RGS9: variants seen among roughly 807,000 people sequenced by gnomAD.
RGS9 encodes the protein regulator of G-protein signalling 9.
In RGS9, 78 loss-of-function variants were observed where a neutral mutation model predicts 102.0. That is an observed-to-expected ratio of 0.76 (90% CI 0.64 to 0.92). RGS9 has a LOEUF of 0.92. RGS9 is among the 40% of genes least tolerant of loss of function. RGS9 has a pLI of 0.00. For synonymous variants in RGS9, 353 were observed against 318.6 expected (o/e 1.11, Z -1.15); for missense variants, 833 against 866.1 (o/e 0.96, Z 0.48).
chr17:65,164,232 C>T (rs1029263666), intron 7 of RGS9, among the ~76,000 whole-genome samples: 7 of 152,134 alleles, frequency 4.6e-5, no homozygotes, highest in Non-Finnish European at 1.0e-4. Flanking sequence ...ACATGCTTTC[C>T]CCACTTCCAG....
chr17:65,226,540 A>T (rs1436263285), intron 18 of RGS9, among the ~76,000 whole-genome samples: 1 of 151,850 alleles, frequency 6.6e-6, no homozygotes, highest in South Asian at 2.1e-4. Context: ...TGCCTCATAC[A>T]TGGGCTTGGG....
chr17:65,160,978 C>G, intron 6 of RGS9, 69 bp downstream of exon 6: 5 of 1,263,558 alleles, frequency 4.0e-6, no homozygotes, highest in Non-Finnish European at 5.8e-6. Context: ...GTACTTTCCT[C>G]ATTCCCACAT....
chr17:65,224,986 C>T lies in RGS9; in HGVS notation c.1408-16C>T, dbSNP rs1365240505. ...ATGCAACTCACCACTGAGCTCTCTCCTTTCCTTCTCTACAGCCGGGCCAGC... is the reference window on the plus strand; with the variant it reads ...ATGCAACTCACCACTGAGCTCTCTCTTTTCCTTCTCTACAGCCGGGCCAGC... On this transcript the variant is annotated splice_polypyrimidine_tract_variant and intron_variant, in intron 17 of 18. Coordinates refer to ENST00000262406, the MANE Select transcript of RGS9 (RefSeq NM_003835.4). The T allele has an allele frequency of 6.2e-7, 1 of 1,613,312 alleles. No individual in the cohort carries two copies. Among genetic ancestry groups the T allele is most frequent in the Non-Finnish European group, 8.5e-7 (1 of 1,179,998 alleles).
chr17:65,223,457 T>G (rs1462319620), intron 17 of RGS9, among the ~76,000 whole-genome samples: 1 of 152,216 alleles, frequency 6.6e-6, no homozygotes, highest in Non-Finnish European at 1.5e-5. Context: ...CCCCTGGCCT[T>G]TCTTCCCCCA....
rs191066261 is a variant in RGS9 at position 65,188,853 on chromosome 17, G to A, written c.655-433G>A. 109 of 200,648 alleles carry A rather than the reference G, an allele frequency of 5.4e-4. No homozygotes were observed. In the Middle Eastern group the frequency reaches 9.6e-3, roughly 18 times the overall value. The allele number at this position is 200,648 out of a possible 1,614,324, so 12.4% of individuals were successfully genotyped here. A position where few individuals can be genotyped will look rare whatever the true frequency, so the allele number is the denominator to read the frequency against. On this transcript the variant is annotated intron_variant, in intron 9 of 18. Transcript: ENST00000262406. Reference sequence around the variant, plus strand: ...TAGCCTCAAACTCCTGGGCTCAAGCGATCCTCCCTCCTCGGCCTCCCAAAG... The same window carrying A: ...TAGCCTCAAACTCCTGGGCTCAAGCAATCCTCCCTCCTCGGCCTCCCAAAG...
At chr17:65,201,908 T>C (rs1397066262) in intron 13 of RGS9, 85 bp from the exon 14 acceptor site, 14 of 914,828 alleles carry the variant, frequency 1.5e-5, no homozygotes, top group Non-Finnish European at 2.5e-5. Flanking sequence ...TCCATCCCGG[T>C]TGACTCATTT....
At chr17:65,160,474 G>T in intron 4 of RGS9, 62 bp from the exon 5 acceptor site, 1 of 1,603,568 alleles carries the variant, frequency 6.2e-7, no homozygotes, top group Non-Finnish European at 8.5e-7. Flanking sequence ...TTAGTCACAG[G>T]GTTGGGGTCC....
rs1372141008 is a variant in RGS9 at position 65,225,298 on chromosome 17, C to A, written c.1704C>A (p.Ser568Arg). Reference protein sequence around the residue: ...EASLDTSWPRSRPRAPPKARM... With the variant: ...EASLDTSWPRRRPRAPPKARM... ...CCCTCGACACCTCCTGGCCTCGCAG[C>A]CGGCCCAGGGCCCCTCCTAAGGCCC... Residue 568 changes from serine to arginine, a missense_variant, in exon 18 of 19, where the codon AGC becomes AGA. By Grantham distance (110) the Ser-to-Arg change is moderately radical. Coordinates refer to ENST00000262406, the MANE Select transcript of RGS9 (RefSeq NM_003835.4). 6.2e-7 allele frequency: 1 copy of A among 1,609,154 alleles called. No individual in the cohort carries two copies. Among genetic ancestry groups the A allele is most frequent in the Non-Finnish European group, 8.5e-7 (1 of 1,179,886 alleles).
At position 65,197,257 on chromosome 17, in the gene RGS9, C is replaced by CAA; in HGVS notation, c.976+24_976+25dup. 2 of 1,493,756 alleles carry CAA rather than the reference C, an allele frequency of 1.3e-6. No individual in the cohort carries two copies. The highest frequency in any genetic ancestry group is 2.8e-5 in the African/African-American group (2 of 71,584). The allele number at this position is 1,493,756 out of a possible 1,614,324, so 92.5% of individuals were successfully genotyped here. A position where few individuals can be genotyped will look rare whatever the true frequency, so the allele number is the denominator to read the frequency against. On this transcript the variant is annotated intron_variant, in intron 13 of 18. Coordinates refer to ENST00000262406, the MANE Select transcript of RGS9 (RefSeq NM_003835.4). ...GAATTCAGTGGTGGGTCTTTGTTTA[C>CAA]AAAAAAAAATTAAAATAACTTACTT...
intron 12 of RGS9, 111 bp downstream of exon 12, chr17:65,193,767 C>A: frequency 1.4e-6 from 1 of 713,174 alleles, no homozygotes; most frequent in South Asian, 1.6e-5. Context: ...TTATTATATT[C>A]ATAGAGCTAC....
intron 11 of RGS9, among the ~76,000 whole-genome samples, chr17:65,190,739 A>G (rs888591087): frequency 2.6e-4 from 40 of 152,198 alleles, no homozygotes; most frequent in African/African-American, 9.4e-4. Flanking sequence ...CCCCCATAGG[A>G]CATCATCTAG....
At chr17:65,223,752 C>CTTTTTTTTTTTTTTTTTTTTTTTTTTT (rs528795738) in intron 17 of RGS9, among the ~76,000 whole-genome samples, 1 of 137,594 alleles carries the variant, frequency 7.3e-6, no homozygotes, top group Admixed American at 7.3e-5. Context: ...TCATGCCAGG[C>CTTTTTTTTTTTTTTTTTTTTTTTTTTT]TTTTTTTTTT....
At chr17:65,158,632 A>C in intron 3 of RGS9, 1 of 500,494 alleles carries the variant, frequency 2.0e-6, no homozygotes, top group Non-Finnish European at 3.6e-6. Context: ...TCTTGAAAGA[A>C]GTGATGCTTG....
intron 7 of RGS9, among the ~76,000 whole-genome samples, chr17:65,167,943 G>A (rs1911256003): frequency 6.6e-6 from 1 of 152,172 alleles, no homozygotes; most frequent in Non-Finnish European, 1.5e-5. Flanking sequence ...CTTCATTTCA[G>A]TGCCCTGAAC....
intron 11 of RGS9, among the ~76,000 whole-genome samples, chr17:65,190,945 C>T (rs947843665): frequency 2.6e-5 from 4 of 152,134 alleles, no homozygotes; most frequent in African/African-American, 4.8e-5. Context: ...TGGTACTAAT[C>T]GGGACTGAAG....
At chr17:65,208,116 A>G (rs2144104853) in intron 16 of RGS9, 109 bp downstream of exon 16, 1 of 765,344 alleles carries the variant, frequency 1.3e-6, no homozygotes, top group South Asian at 1.4e-5. Context: ...TGATGAAAAT[A>G]TTGGGGACTG....
intron 7 of RGS9, among the ~76,000 whole-genome samples, chr17:65,167,297 A>G (rs9897302): frequency 0.21 from 32,600 of 151,756 alleles, 4,183 homozygotes; most frequent in East Asian, 0.52. Flanking sequence ...TGCCTCCCAG[A>G]TTCAAACGAT....
At chr17:65,197,360 C>T in intron 13 of RGS9, 119 bp downstream of exon 13, 1 of 731,208 alleles carries the variant, frequency 1.4e-6, no homozygotes, top group East Asian at 2.7e-5. Context: ...TGCTTATGCC[C>T]TTAAACAGTT....
intron 8 of RGS9, among the ~76,000 whole-genome samples, chr17:65,175,121 G>T (rs1351491980): frequency 1.3e-5 from 2 of 151,838 alleles, no homozygotes; most frequent in East Asian, 3.9e-4. Context: ...ATGTGTGTAT[G>T]TGAGTGTGTG....
Sources: gnomAD v4.1 joint callset for allele counts (sites outside exome capture counted in the v4.1 genomes callset) on GRCh38, gnomAD v4.1.1 for gene constraint, MANE v1.5 for transcripts, NCBI Gene and HGNC (gene_info 2026-07-23, HGNC 2026-07-21) for gene names.